The following ERC2 variants were observed in gnomAD, a reference collection of about 807,000 sequenced individuals.
ERC2 encodes the protein ERC protein 2.
ERC2 carries 42 observed loss-of-function variants against 114.8 expected under a neutral mutation model. The observed-to-expected ratio is 0.37, with a 90% confidence interval of 0.29 to 0.47. The LOEUF (loss-of-function observed/expected upper bound fraction) is 0.47. ERC2 is among the 20% of genes least tolerant of loss of function. The pLI is 0.99. For synonymous variants in ERC2, 454 were observed against 425.5 expected (o/e 1.07, Z -0.82); for missense variants, 939 against 1,150.7 (o/e 0.82, Z 2.66).
intron 17 of ERC2, among the ~76,000 whole-genome samples, chr3:55,579,944 T>A (rs1418871250): frequency 6.6e-6 from 1 of 152,238 alleles, no homozygotes; most frequent in Non-Finnish European, 1.5e-5. Context: ...ATCTACACAT[T>A]CCATGCTAAG....
intron 17 of ERC2, among the ~76,000 whole-genome samples, chr3:55,574,683 G>A (rs1166639439): frequency 6.6e-6 from 1 of 152,174 alleles, no homozygotes; most frequent in African/African-American, 2.4e-5. Flanking sequence ...GAAGTTTGCA[G>A]GGTGATGCTC....
chr3:55,921,186 G>A (rs17288603), intron 13 of ERC2, among the ~76,000 whole-genome samples: 46,611 of 151,970 alleles, frequency 0.31, 7,890 homozygotes, highest in Non-Finnish European at 0.36. Context: ...AATTGAATCA[G>A]TGTGAACCTT....
intron 2 of ERC2, among the ~76,000 whole-genome samples, chr3:56,353,693 A>G (rs1000919128): frequency 6.6e-6 from 1 of 150,604 alleles, no homozygotes; most frequent in Non-Finnish European, 1.5e-5. Context: ...ATTAGGAGGT[A>G]TACCTAATGT....
intron 9 of ERC2, 78 bp from the exon 10 acceptor site, chr3:56,007,399 T>C: frequency 1.6e-6 from 2 of 1,277,940 alleles, no homozygotes; most frequent in Middle Eastern, 1.9e-4. Flanking sequence ...ACATTGATTC[T>C]ATACATAGCA....
intron 6 of ERC2, 128 bp from the exon 7 acceptor site, chr3:56,081,112 A>T (rs1157425812): frequency 1.1e-6 from 1 of 916,418 alleles, no homozygotes; most frequent in African/African-American, 1.7e-5. Context: ...ACCACTGCTC[A>T]TGGCACCTCA....
intron 17 of ERC2, among the ~76,000 whole-genome samples, chr3:55,597,248 A>G (rs894238404): frequency 1.2e-4 from 18 of 151,952 alleles, no homozygotes; most frequent in Non-Finnish European, 2.5e-4. Context: ...GTGAAACCCC[A>G]TCTCTACAAA....
chr3:55,778,508 G>A (rs1222066008), intron 14 of ERC2, among the ~76,000 whole-genome samples: 1 of 152,158 alleles, frequency 6.6e-6, no homozygotes, highest in East Asian at 1.9e-4. Context: ...AAATCCAGAT[G>A]CTATAAAGGA....
chr3:56,084,640 G>A (rs1442578002), intron 6 of ERC2, among the ~76,000 whole-genome samples: 1 of 152,036 alleles, frequency 6.6e-6, no homozygotes, highest in Non-Finnish European at 1.5e-5. Context: ...ACTTCTAAGT[G>A]GGAACTAAGT....
At chr3:55,836,866 G>A (rs2060911408) in intron 14 of ERC2, among the ~76,000 whole-genome samples, 1 of 152,104 alleles carries the variant, frequency 6.6e-6, no homozygotes, top group Admixed American at 6.5e-5. Context: ...CTGACAAAGG[G>A]CTGATATCCA....
At chr3:56,321,500 A>G (rs1280402134) in intron 2 of ERC2, among the ~76,000 whole-genome samples, 2 of 152,244 alleles carry the variant, frequency 1.3e-5, no homozygotes, top group African/African-American at 2.4e-5. Flanking sequence ...CCTCTAAACC[A>G]GAAGTAGTTC....
intron 15 of ERC2, among the ~76,000 whole-genome samples, chr3:55,714,665 GTGTATATATATATATATA>G (rs1400791328): frequency 0.026 from 968 of 36,558 alleles, 7 homozygotes; most frequent in Middle Eastern, 0.042. Flanking sequence ...GTGTGTGTGT[GTGTATATATATATATATA>G]TATATATATA....
chr3:56,458,358 G>A (rs371666235), intron 1 of ERC2, among the ~76,000 whole-genome samples: 2 of 152,310 alleles, frequency 1.3e-5, no homozygotes, highest in East Asian at 3.9e-4. Flanking sequence ...CTTAGGGCTT[G>A]TGACCCCAGG....
intron 3 of ERC2, among the ~76,000 whole-genome samples, chr3:56,285,341 C>T (rs1351073655): frequency 1.3e-5 from 2 of 151,748 alleles, no homozygotes; most frequent in Non-Finnish European, 2.9e-5. Flanking sequence ...TGTTTTGTTG[C>T]TGTCAGCACA....
intron 7 of ERC2, among the ~76,000 whole-genome samples, chr3:56,043,129 T>C (rs1301604708): frequency 6.6e-6 from 1 of 152,150 alleles, no homozygotes. Context: ...CCTAATATAG[T>C]GTAAAGTCAT....
chr3:55,514,504 G>A (rs992737755), intron 17 of ERC2, among the ~76,000 whole-genome samples: 1 of 152,146 alleles, frequency 6.6e-6, no homozygotes, highest in South Asian at 2.1e-4. Context: ...AATGACAGAC[G>A]CCCTTTAATA....
chr3:55,612,420 A>G (rs988408037), intron 17 of ERC2, among the ~76,000 whole-genome samples: 5 of 152,210 alleles, frequency 3.3e-5, no homozygotes, highest in Admixed American at 2.0e-4. Context: ...CTTTTGCCCC[A>G]GGTAAGCCTT....
intron 4 of ERC2, among the ~76,000 whole-genome samples, chr3:56,152,042 T>G (rs961069787): frequency 6.6e-6 from 1 of 152,176 alleles, no homozygotes; most frequent in African/African-American, 2.4e-5. Flanking sequence ...AAACAAGCTC[T>G]GGAAGCAGAT....
At position 55,799,437 on chromosome 3, in the gene ERC2, TTATATATATATGCATATATATATATA is replaced by T. The variant is rs1371375917; in HGVS notation, c.2565-64545_2565-64520del. 1.1e-4 allele frequency among the ~76,000 whole-genome samples: 11 copies of T among 103,290 alleles called. No individual in the cohort carries two copies. The South Asian group carries it at 1.7e-3, about 16-fold the overall frequency. The allele number at this position is 103,290 out of a possible 152,430, so 67.8% of individuals were successfully genotyped here. A position where few individuals can be genotyped will look rare whatever the true frequency, so the allele number is the denominator to read the frequency against. On this transcript the variant is annotated intron_variant, in intron 14 of 17. Coordinates refer to ENST00000288221, the MANE Select transcript of ERC2 (RefSeq NM_015576.3). ...TTATATATATGCATATATATATGCC[TTATATATATATGCATATATATATATA>T]TATATATATATGCCTTATCTATCAC...
chr3:55,802,654 T>C (rs977871696), intron 14 of ERC2, among the ~76,000 whole-genome samples: 1 of 152,178 alleles, frequency 6.6e-6, no homozygotes, highest in African/African-American at 2.4e-5. Context: ...CTGTCCTATA[T>C]TGAAATACTC....
Sources: allele counts gnomAD v4.1 joint callset (sites outside exome capture counted in the v4.1 genomes callset), GRCh38; gene constraint gnomAD v4.1.1; transcripts MANE v1.5; gene names NCBI Gene and HGNC (gene_info 2026-07-23, HGNC 2026-07-21).